Variants in STXBP5L observed in about 807,000 individuals in gnomAD.
STXBP5L encodes the protein syntaxin-binding protein 5-like.
In STXBP5L, 65 loss-of-function variants were observed where a neutral mutation model predicts 144.5. The ratio of observed to expected loss-of-function variants is 0.45; its 90% CI spans 0.37 to 0.55. The LOEUF is 0.55. Ranked by LOEUF, STXBP5L falls within the 20% of genes least tolerant of loss-of-function variation. The probability of loss-of-function intolerance (pLI) is 0.00; values close to 1 mark genes in which losing one functional copy is unlikely to be tolerated. For synonymous variants in STXBP5L, 505 were observed against 469.6 expected (o/e 1.08, Z -0.97); for missense variants, 1,298 against 1,405.5 (o/e 0.92, Z 1.22).
At chr3:120,926,066 G>A (rs1709607269) in intron 2 of STXBP5L, among the ~76,000 whole-genome samples, 1 of 152,100 alleles carries the variant, frequency 6.6e-6, no homozygotes, top group South Asian at 2.1e-4. Context: ...TGTCTTTTAG[G>A]TTTCATAGTA....
chr3:121,003,183 G>GTC (rs1352895071), intron 3 of STXBP5L, among the ~76,000 whole-genome samples: 1 of 152,132 alleles, frequency 6.6e-6, no homozygotes, highest in Non-Finnish European at 1.5e-5. Flanking sequence ...CAGTGTAAAA[G>GTC]TGTTCCTATT....
intron 5 of STXBP5L, among the ~76,000 whole-genome samples, chr3:121,068,672 C>T (rs1290195727): frequency 2.6e-5 from 4 of 151,904 alleles, no homozygotes; most frequent in African/African-American, 9.7e-5. Flanking sequence ...TTTTCACATC[C>T]GTTTTAAACC....
intron 7 of STXBP5L, 151 bp from the exon 8 acceptor site, chr3:121,152,326 A>G: frequency 1.8e-6 from 1 of 545,856 alleles, no homozygotes; most frequent in Non-Finnish European, 3.1e-6. Context: ...CATTTTTTAA[A>G]TGTAGAAAAC....
chr3:121,261,433 A>G (rs1281995255), intron 18 of STXBP5L, among the ~76,000 whole-genome samples: 1 of 152,218 alleles, frequency 6.6e-6, no homozygotes, highest in Non-Finnish European at 1.5e-5. Context: ...TATGGCCAAC[A>G]TAACTCGATG....
chr3:121,349,750 G>A (rs528976741), intron 20 of STXBP5L, among the ~76,000 whole-genome samples: 2 of 152,134 alleles, frequency 1.3e-5, no homozygotes, highest in South Asian at 4.1e-4. Flanking sequence ...TTGGTTTAAA[G>A]TCTGTTTTAT....
At chr3:121,272,077 T>A (rs2050750646) in intron 18 of STXBP5L, among the ~76,000 whole-genome samples, 1 of 152,242 alleles carries the variant, frequency 6.6e-6, no homozygotes, top group African/African-American at 2.4e-5. Context: ...TCACATGTGC[T>A]GGAGAAGAAT....
At chr3:120,960,135 C>T (rs1019949806) in intron 3 of STXBP5L, among the ~76,000 whole-genome samples, 12 of 152,194 alleles carry the variant, frequency 7.9e-5, no homozygotes, top group South Asian at 2.1e-4. Flanking sequence ...GACATTTATG[C>T]AGCCCAAAGA....
intron 10 of STXBP5L, among the ~76,000 whole-genome samples, 173 bp downstream of exon 10, chr3:121,206,174 G>T (rs191251555): frequency 7.2e-4 from 110 of 152,164 alleles, no homozygotes; most frequent in Non-Finnish European, 1.4e-3. Flanking sequence ...TTATTATTAT[G>T]ATTATTATAA....
At chr3:121,073,720 GC>G (rs34708911) in intron 5 of STXBP5L, among the ~76,000 whole-genome samples, 1 of 151,732 alleles carries the variant, frequency 6.6e-6, no homozygotes, top group African/African-American at 2.4e-5. Flanking sequence ...CCCTGCCCCC[GC>G]CCCAGCTTTG....
chr3:121,324,531 T>C (rs1363111942), intron 20 of STXBP5L: 3 of 699,094 alleles, frequency 4.3e-6, no homozygotes, highest in Non-Finnish European at 7.8e-6. Flanking sequence ...ACTAGGCTTT[T>C]ATAGGAATGA....
At chr3:121,167,380 GA>G (rs1268315648) in intron 9 of STXBP5L, among the ~76,000 whole-genome samples, 1 of 152,066 alleles carries the variant, frequency 6.6e-6, no homozygotes, top group Admixed American at 6.5e-5. Flanking sequence ...AAAGTAAATA[GA>G]AAATAAAGAT....
chr3:121,082,796 A>G (rs1576890054), intron 5 of STXBP5L, among the ~76,000 whole-genome samples: 2 of 152,200 alleles, frequency 1.3e-5, no homozygotes, highest in Non-Finnish European at 2.9e-5. Context: ...TATTTAGTGA[A>G]CAACATTGAT....
chr3:120,974,935 G>A (rs1466226789), intron 3 of STXBP5L, among the ~76,000 whole-genome samples: 2 of 152,120 alleles, frequency 1.3e-5, no homozygotes, highest in Non-Finnish European at 2.9e-5. Flanking sequence ...ATGCTGTTTT[G>A]GTTACTTTAG....
chr3:121,307,703 T>C (rs549713393), intron 19 of STXBP5L, among the ~76,000 whole-genome samples: 2 of 151,628 alleles, frequency 1.3e-5, no homozygotes, highest in East Asian at 3.9e-4. Flanking sequence ...CACCAACATA[T>C]ACATAATAGG....
At chr3:121,002,923 T>C (rs945108732) in intron 3 of STXBP5L, among the ~76,000 whole-genome samples, 1 of 152,204 alleles carries the variant, frequency 6.6e-6, no homozygotes, top group African/African-American at 2.4e-5. Context: ...CCATGGTGTA[T>C]ATGTGCAACA....
At chr3:121,267,753 A>G (rs1175953374) in intron 18 of STXBP5L, among the ~76,000 whole-genome samples, 1 of 152,220 alleles carries the variant, frequency 6.6e-6, no homozygotes, top group African/African-American at 2.4e-5. Flanking sequence ...AAACGATAGG[A>G]ACAGACACTT....
chr3:120,938,594 C>T (rs954780085), intron 2 of STXBP5L, among the ~76,000 whole-genome samples: 6 of 152,128 alleles, frequency 3.9e-5, no homozygotes, highest in Non-Finnish European at 5.9e-5. Context: ...TGACTCTACA[C>T]CAAGCTATAA....
At chr3:121,180,687 C>A (rs1043734343) in intron 9 of STXBP5L, among the ~76,000 whole-genome samples, 1 of 152,140 alleles carries the variant, frequency 6.6e-6, no homozygotes, top group Non-Finnish European at 1.5e-5. Flanking sequence ...CCAGCCTGAC[C>A]AACATGGTGA....
At chr3:121,127,699 T>G (rs114998316) in intron 7 of STXBP5L, among the ~76,000 whole-genome samples, 341 of 152,088 alleles carry the variant, frequency 2.2e-3, no homozygotes, top group African/African-American at 7.9e-3. Flanking sequence ...AGTCACATTC[T>G]GAGGTTCTGG....
Sources: allele counts gnomAD v4.1 joint callset (sites outside exome capture counted in the v4.1 genomes callset), GRCh38; gene constraint gnomAD v4.1.1; transcripts MANE v1.5; gene names NCBI Gene and HGNC (gene_info 2026-07-23, HGNC 2026-07-21).